The following ZNF618 variants were observed in gnomAD, a reference collection of about 807,000 sequenced individuals.
ZNF618 encodes zinc finger protein 618.
Under a neutral mutation model 103.0 loss-of-function variants are expected in ZNF618, and 34 were observed. The ratio of observed to expected loss-of-function variants is 0.33; its 90% CI spans 0.25 to 0.44. The LOEUF (loss-of-function observed/expected upper bound fraction) is 0.44, where lower values mean the gene tolerates loss of function less well. Ranked by LOEUF, ZNF618 falls within the 20% of genes least tolerant of loss-of-function variation. ZNF618 has a pLI of 1.00. For synonymous variants in ZNF618, 551 were observed against 542.2 expected, an observed-to-expected ratio of 1.02 and a Z score of -0.23; for missense variants, 1,059 against 1,295.4, an observed-to-expected ratio of 0.82 and a Z score of 2.80.
chr9:114,028,962 G>A lies in ZNF618; in HGVS notation c.1074G>A (p.Lys358=). The change falls in exon 11 of 15, where the codon AAG becomes AAA. Residue 358 remains lysine, a synonymous_variant. Coordinates refer to ENST00000374126, the MANE Select transcript of ZNF618 (RefSeq NM_001318042.2). ...RTPNSGSPAS[K]ATAAESAFSR... is the part of the protein sequence containing the mutation. ...CAAATTCGGGATCTCCGGCGAGCAA[G>A]GCAACCGCAGGTACCAATGGCCTAT... 10 of 1,550,390 alleles carry A rather than the reference G, an allele frequency of 6.4e-6. No homozygotes were observed. The highest frequency in any genetic ancestry group is 2.4e-5 in the East Asian group (1 of 40,920).
intron 5 of ZNF618, among the ~76,000 whole-genome samples, 180 bp downstream of exon 5, chr9:114,002,253 C>T (rs1272290678): frequency 6.6e-5 from 10 of 152,168 alleles, no homozygotes; most frequent in African/African-American, 2.4e-4. Context: ...CCTCCTGATG[C>T]GGGACAGCTC....
chr9:113,899,163 T>C lies in ZNF618; in HGVS notation c.33+22750T>C, dbSNP rs1261544155. 2.0e-5 allele frequency among the ~76,000 whole-genome samples: 3 copies of C among 152,048 alleles called. No homozygotes were observed. The East Asian group carries it at 5.8e-4, about 29-fold the overall frequency. Reference sequence around the variant, plus strand: ...TTTTTTTTTTTGTAAAGTACACATATTAAATTTACCATCTTAACCATTTTA... The same window carrying C: ...TTTTTTTTTTTGTAAAGTACACATACTAAATTTACCATCTTAACCATTTTA... On this transcript the variant is annotated intron_variant, in intron 1 of 14. Coordinates refer to ENST00000374126, the MANE Select transcript of ZNF618 (RefSeq NM_001318042.2).
At chr9:113,921,206 G>C (rs1435491433) in intron 1 of ZNF618, among the ~76,000 whole-genome samples, 1 of 152,162 alleles carries the variant, frequency 6.6e-6, no homozygotes, top group South Asian at 2.1e-4. Context: ...CTAATACCTG[G>C]GTGTTCCTAG....
chr9:114,028,607 T>C, intron 10 of ZNF618, 126 bp from the exon 11 acceptor site: 1 of 1,307,190 alleles, frequency 7.6e-7, no homozygotes, highest in Non-Finnish European at 1.0e-6. Context: ...ATCCTTGTTC[T>C]CTGTGGCACA....
Position 114,054,698 on chromosome 9 carries a change from A to G in ZNF618, c.*4531A>G, listed in dbSNP as rs1398634863. The G allele has an allele frequency of 1.3e-5, 2 of 152,652 alleles. No individual in the cohort carries two copies. The highest frequency in any genetic ancestry group is 2.4e-5 in the African/African-American group (1 of 41,430). The allele number at this position is 152,652 out of a possible 1,614,324, so 9.5% of individuals were successfully genotyped here. On this transcript the variant is annotated 3_prime_UTR_variant, in exon 15 of 15. Coordinates refer to ENST00000374126, the MANE Select transcript of ZNF618 (RefSeq NM_001318042.2). ...GCCAGTTATGGTGAACCAATGATAC[A>G]GTGTTTTCCCTCTTAACGTTCCCCT...
Position 113,916,072 on chromosome 9 carries a change from C to CTG in ZNF618, c.33+39681_33+39682dup, listed in dbSNP as rs34639802. Among the ~76,000 whole-genome samples the CTG allele has an allele frequency of 6.6e-3, 986 of 149,896 alleles. 9 individuals carry two copies. Among genetic ancestry groups the CTG allele is most frequent in the African/African-American group, 0.021 (854 of 40,672 alleles). On this transcript the variant is annotated intron_variant, in intron 1 of 14. Coordinates refer to ENST00000374126, the MANE Select transcript of ZNF618 (RefSeq NM_001318042.2). ...GCCATTCTGAGACATGCGCGTGTGTCTGTGTGTGTGTGTGTGTGTGTGTCT... is the reference window on the plus strand; with the variant it reads ...GCCATTCTGAGACATGCGCGTGTGTCTGTGTGTGTGTGTGTGTGTGTGTGTCT...
intron 13 of ZNF618, among the ~76,000 whole-genome samples, chr9:114,046,962 C>G (rs1190275112): frequency 6.6e-6 from 1 of 152,192 alleles, no homozygotes; most frequent in African/African-American, 2.4e-5. Flanking sequence ...CAGCCAGGTT[C>G]ATAGCAGAAC....
chr9:114,033,949 A>G (rs1010053189), intron 12 of ZNF618, among the ~76,000 whole-genome samples: 1 of 152,126 alleles, frequency 6.6e-6, no homozygotes, highest in African/African-American at 2.4e-5. Flanking sequence ...TCTGCCTAGT[A>G]ACAGGAGCTC....
chr9:113,943,780 C>T (rs966487817), intron 1 of ZNF618, among the ~76,000 whole-genome samples: 10 of 152,074 alleles, frequency 6.6e-5, no homozygotes, highest in African/African-American at 2.2e-4. Context: ...ACTGAGGTTC[C>T]CTGCCCTGGC....
intron 1 of ZNF618, among the ~76,000 whole-genome samples, chr9:113,968,528 G>A (rs1837645316): frequency 6.6e-6 from 1 of 152,136 alleles, no homozygotes; most frequent in Non-Finnish European, 1.5e-5. Flanking sequence ...TTGTTTTCAT[G>A]AGACTTCAGG....
At chr9:114,025,856 C>T (rs565246414) in intron 10 of ZNF618, among the ~76,000 whole-genome samples, 1 of 152,216 alleles carries the variant, frequency 6.6e-6, no homozygotes, top group African/African-American at 2.4e-5. Flanking sequence ...CCTGGCCGCT[C>T]ACGCATTGAT....
At chr9:114,042,677 A>G (rs927367532) in intron 13 of ZNF618, among the ~76,000 whole-genome samples, 1 of 152,184 alleles carries the variant, frequency 6.6e-6, no homozygotes, top group Non-Finnish European at 1.5e-5. Flanking sequence ...AAAAAAATTA[A>G]AAATAAGCCA....
chr9:113,987,983 C>G (rs917927300), intron 2 of ZNF618, among the ~76,000 whole-genome samples: 2 of 152,170 alleles, frequency 1.3e-5, no homozygotes, highest in African/African-American at 2.4e-5. Flanking sequence ...TTTTAGGTCA[C>G]TTGTAACTCC....
rs755562661 is a variant in ZNF618, at chr9:114,048,697, G to A, written c.1395G>A (p.Glu465=). The A allele has an allele frequency of 1.2e-6, 2 of 1,613,968 alleles. No individual in the cohort carries two copies. Among genetic ancestry groups the A allele is most frequent in the Non-Finnish European group, 1.7e-6 (2 of 1,179,866 alleles). Residue 465 remains glutamate (E), a synonymous_variant, in exon 15 of 15, where the codon GAG becomes GAA. Coordinates refer to ENST00000374126, the MANE Select transcript of ZNF618 (RefSeq NM_001318042.2). ...CCAACAGCATGATCCCCGAAAAGGAGCGGCAGAACATCGCAGAGCGGCTGT... is the reference window on the plus strand; with the variant it reads ...CCAACAGCATGATCCCCGAAAAGGAACGGCAGAACATCGCAGAGCGGCTGT... ...LTPNSMIPEK[E]RQNIAERLLR...
rs555491748 is a variant in ZNF618, at chr9:114,041,157, C to T, written c.1246+4780C>T. On this transcript the variant is annotated intron_variant, in intron 13 of 14. Coordinates refer to ENST00000374126, the MANE Select transcript of ZNF618 (RefSeq NM_001318042.2). Reference sequence around the variant, plus strand: ...TTGAGAAGTGTCTGTTCATATCCTTCGCCCCCTTTTTGATGGGGTTGTTTT... The same window carrying T: ...TTGAGAAGTGTCTGTTCATATCCTTTGCCCCCTTTTTGATGGGGTTGTTTT... 4.8e-3 allele frequency among the ~76,000 whole-genome samples: 730 copies of T among 152,246 alleles called. 3 individuals carry two copies. Among genetic ancestry groups the T allele is most frequent in the African/African-American group, 0.015 (644 of 41,552 alleles).
chr9:113,955,285 A>G (rs917526501), intron 1 of ZNF618, among the ~76,000 whole-genome samples: 1 of 151,138 alleles, frequency 6.6e-6, no homozygotes, highest in Non-Finnish European at 1.5e-5. Flanking sequence ...AATGAATTCA[A>G]GGTACCAGAT....
intron 9 of ZNF618, chr9:114,016,239 C>T: frequency 6.9e-7 from 1 of 1,445,702 alleles, no homozygotes; most frequent in Non-Finnish European, 9.7e-7. Context: ...GTGGGGGGTG[C>T]TTGGGGGCAG....
At chr9:113,971,265 A>G (rs1025164991) in intron 2 of ZNF618, among the ~76,000 whole-genome samples, 2 of 151,994 alleles carry the variant, frequency 1.3e-5, no homozygotes, top group African/African-American at 4.8e-5. Flanking sequence ...TCATTGTGCA[A>G]TGGGGAGATC....
intron 6 of ZNF618, among the ~76,000 whole-genome samples, chr9:114,006,453 G>A (rs1355687962): frequency 6.6e-6 from 1 of 152,216 alleles, no homozygotes; most frequent in Non-Finnish European, 1.5e-5. Context: ...CACACATGAG[G>A]TTCGTGCCAG....
Sources: gnomAD v4.1 joint callset for allele counts (sites outside exome capture counted in the v4.1 genomes callset) on GRCh38, gnomAD v4.1.1 for gene constraint, MANE v1.5 for transcripts, NCBI Gene and HGNC (gene_info 2026-07-23, HGNC 2026-07-21) for gene names.